Variants in RYR3 observed in about 807,000 individuals in gnomAD.
RYR3 encodes the protein brain ryanodine receptor-calcium release channel.
Under a neutral mutation model 584.3 loss-of-function variants are expected in RYR3, and 207 were observed. The observed-to-expected ratio is 0.35, with a 90% CI of 0.32 to 0.40. The LOEUF is 0.40. Ranked by LOEUF, RYR3 falls within the 10% of genes least tolerant of loss-of-function variation. RYR3 has a pLI of 1.00. For synonymous variants in RYR3, 2,416 were observed against 2,248.5 expected, an observed-to-expected ratio of 1.07 and a Z score of -2.11; for missense variants, 5,616 against 6,089.2, an observed-to-expected ratio of 0.92 and a Z score of 2.59.
At chr15:33,529,905 A>C (rs1267352599) in intron 3 of RYR3, among the ~76,000 whole-genome samples, 1 of 152,192 alleles carries the variant, frequency 6.6e-6, no homozygotes, top group African/African-American at 2.4e-5. Context: ...CAGTGGCTTT[A>C]TGTCGGGCCA....
At chr15:33,653,127 C>T (rs749293767) in intron 32 of RYR3, among the ~76,000 whole-genome samples, 9 of 152,148 alleles carry the variant, frequency 5.9e-5, no homozygotes, top group South Asian at 2.1e-4. Context: ...TTCTAGAGGA[C>T]GAAAAGTCCT....
intron 60 of RYR3, among the ~76,000 whole-genome samples, chr15:33,762,009 A>G (rs1306302198): frequency 2.6e-5 from 4 of 152,216 alleles, no homozygotes; most frequent in African/African-American, 9.6e-5. Flanking sequence ...GACAAAAACC[A>G]CATGATTATC....
intron 60 of RYR3, among the ~76,000 whole-genome samples, chr15:33,761,320 T>G (rs1434276617): frequency 6.6e-6 from 1 of 152,168 alleles, no homozygotes; most frequent in East Asian, 1.9e-4. Flanking sequence ...CAGGAGCTGT[T>G]TTTTTGAAAA....
intron 16 of RYR3, among the ~76,000 whole-genome samples, chr15:33,586,876 A>C (rs969745637): frequency 1.3e-5 from 2 of 152,008 alleles, no homozygotes; most frequent in African/African-American, 4.8e-5. Context: ...CTATCGTGCT[A>C]ATTAGTGGCC....
Position 33,414,644 on chromosome 15 carries a change from G to A in RYR3, c.52-58775G>A, listed in dbSNP as rs558375131. Among the ~76,000 whole-genome samples, 10 of 152,154 alleles carry A rather than the reference G, an allele frequency of 6.6e-5. No homozygotes were observed. The East Asian group carries it at 9.7e-4, about 15-fold the overall frequency. On this transcript the variant is annotated intron_variant, in intron 1 of 103. Coordinates refer to ENST00000634891, the MANE Select transcript of RYR3 (RefSeq NM_001036.6). ...TTTTTGGATGGAGTCTCGCTCTGTC[G>A]CCCAGGCTGGAGTGCAGTGGCGTGA...
chr15:33,732,385 C>T (rs988540435), intron 48 of RYR3, among the ~76,000 whole-genome samples: 9 of 66,460 alleles, frequency 1.4e-4, no homozygotes, highest in African/African-American at 5.0e-4. Flanking sequence ...AAGACTCCAT[C>T]TCAAAAAAAA....
chr15:33,797,686 G>A (rs891471373), intron 67 of RYR3, among the ~76,000 whole-genome samples: 4 of 151,954 alleles, frequency 2.6e-5, no homozygotes, highest in Admixed American at 2.6e-4. Flanking sequence ...ACCAAGAAAC[G>A]TTACCCAAGA....
chr15:33,793,029 C>G (rs1022390754), intron 67 of RYR3, among the ~76,000 whole-genome samples: 4 of 152,170 alleles, frequency 2.6e-5, no homozygotes, highest in African/African-American at 9.7e-5. Flanking sequence ...TTCTGCCCAG[C>G]GAACTGCAAA....
At chr15:33,663,846 G>A (rs2063311504) in intron 36 of RYR3, 109 bp downstream of exon 36, 2 of 945,042 alleles carry the variant, frequency 2.1e-6, no homozygotes, top group South Asian at 1.7e-5. Context: ...AAGAGCTATG[G>A]AAGATGAAAA....
At chr15:33,362,136 G>A (rs1384978760) in intron 1 of RYR3, among the ~76,000 whole-genome samples, 3 of 152,142 alleles carry the variant, frequency 2.0e-5, no homozygotes, top group African/African-American at 7.2e-5. Flanking sequence ...TGCCCCCTGC[G>A]GTGTGTTGCC....
At chr15:33,468,669 A>C (rs62015587) in intron 1 of RYR3, among the ~76,000 whole-genome samples, 31,989 of 152,168 alleles carry the variant, frequency 0.21, 3,882 homozygotes, top group Middle Eastern at 0.3. Context: ...TTTCTGCTCT[A>C]ATAGAGTTTA....
chr15:33,856,596 T>G (rs1318247554), intron 98 of RYR3: 3 of 152,332 alleles, frequency 2.0e-5, no homozygotes, highest in African/African-American at 7.2e-5. Context: ...TGCATGATTA[T>G]TTATGAAATA....
chr15:33,647,339 A>G, intron 29 of RYR3, 85 bp from the exon 30 acceptor site: 1 of 1,056,738 alleles, frequency 9.5e-7, no homozygotes, highest in Non-Finnish European at 1.5e-6. Context: ...TGACTTGATC[A>G]TTGAAGGTAG....
Position 33,701,212 on chromosome 15 carries a change from A to G in RYR3, c.6483+132A>G, listed in dbSNP as rs113581303. ...TTGGTGGGCTTGTAGGGAAAGTGTG[A>G]AAGAATGTGAGTAACCGGTAGCAGC... is the stretch of plus-strand genomic sequence containing the variant. On this transcript the variant is annotated intron_variant, in intron 42 of 103. Coordinates refer to ENST00000634891, the MANE Select transcript of RYR3 (RefSeq NM_001036.6). The G allele has an allele frequency of 8.6e-3, 5,308 of 619,068 alleles. 200 individuals are homozygous for G. In the African/African-American group the frequency reaches 0.086, roughly 10 times the overall value. The allele number at this position is 619,068 out of a possible 1,614,324, so 38.3% of individuals were successfully genotyped here. A position where few individuals can be genotyped will look rare whatever the true frequency, so the allele number is the denominator to read the frequency against.
intron 67 of RYR3, among the ~76,000 whole-genome samples, chr15:33,796,260 G>A (rs143372679): frequency 0.046 from 6,934 of 151,922 alleles, 539 homozygotes; most frequent in African/African-American, 0.16. Flanking sequence ...TCAGCCTCCC[G>A]AGTAGCTGGG....
At chr15:33,845,501 G>T (rs2152988760) in intron 93 of RYR3, among the ~76,000 whole-genome samples, 1 of 152,250 alleles carries the variant, frequency 6.6e-6, no homozygotes, top group African/African-American at 2.4e-5. Flanking sequence ...TAATCCATCT[G>T]CCTCGGCCTC....
rs779126123 is a variant in RYR3 at position 33,670,371 on chromosome 15, G to A, written c.5723-48G>A. The A allele has an allele frequency of 3.1e-6, 5 of 1,598,626 alleles. No individual in the cohort carries two copies. In the South Asian group the frequency reaches 3.4e-5, roughly 11 times the overall value. On this transcript the variant is annotated intron_variant, in intron 37 of 103. Transcript: ENST00000634891. ...TAAATGTTCTTTGTGACACTATGAT[G>A]GTTTCATGCACTGCTTTGGATTTTC...
At position 33,696,244 on chromosome 15, in the gene RYR3, A is replaced by G; in HGVS notation, c.5887A>G (p.Thr1963Ala). Reference protein sequence around the residue: ...PTTLKELISQTMICWAQEDQI... With the variant: ...PTTLKELISQAMICWAQEDQI... ...AACATTGAAGGAACTCATCTCACAGACGATGATCTGCTGGGCCCAGGAGGA... is the reference window on the plus strand; with the variant it reads ...AACATTGAAGGAACTCATCTCACAGGCGATGATCTGCTGGGCCCAGGAGGA... The change falls in exon 39 of 104, where the codon ACG becomes GCG. Residue 1963 changes from threonine (T) to alanine (A), a missense_variant. Thr to Ala is a moderately conservative substitution (Grantham distance 58). Around this residue, in one of 9 missense-constraint regions of RYR3, gnomAD observed 1,280 missense variants for 1,426.2 expected, o/e 0.90. Coordinates refer to ENST00000634891, the MANE Select transcript of RYR3 (RefSeq NM_001036.6). 1 of 1,613,626 alleles carries G rather than the reference A, an allele frequency of 6.2e-7. No individual in the cohort carries two copies. The highest frequency in any genetic ancestry group is 8.5e-7 in the Non-Finnish European group (1 of 1,179,808).
At position 33,821,550 on chromosome 15, in the gene RYR3, C is replaced by T. The variant is rs769862264; in HGVS notation, c.10943C>T (p.Thr3648Met). The T allele has an allele frequency of 7.4e-6, 12 of 1,613,816 alleles. No homozygotes were observed. The highest frequency in any genetic ancestry group is 5.5e-5 in the South Asian group (5 of 91,090). Residue 3648 changes from threonine to methionine, a missense_variant, in exon 80 of 104, where the codon ACG becomes ATG. Thr to Met is a moderately conservative substitution (Grantham distance 81). This residue lies in a region of RYR3 where 954 missense variants were observed against 1,132.2 expected (regional missense o/e 0.84). Transcript: ENST00000634891. ...GAGATGAGCCCCATGGTGGTTGAGA[C>T]GCTGAAGCTGGGGATCGCCATTCTG... ...KGEMSPMVVETLKLGIAILNG... is the reference protein window; with the variant it reads ...KGEMSPMVVEMLKLGIAILNG...
Sources: allele counts gnomAD v4.1 joint callset (sites outside exome capture counted in the v4.1 genomes callset), GRCh38; gene constraint gnomAD v4.1.1; regional missense constraint gnomAD v4.1.1; transcripts MANE v1.5; gene names NCBI Gene and HGNC (gene_info 2026-07-23, HGNC 2026-07-21).